Variants in ZNF846 observed in about 807,000 individuals in gnomAD.
ZNF846 encodes the protein zinc finger protein 420 pseudogene.
In ZNF846, 15 loss-of-function variants were observed where a neutral mutation model predicts 16.0. The observed-to-expected ratio is 0.94, with a 90% CI of 0.63 to 1.45. The LOEUF (loss-of-function observed/expected upper bound fraction) is 1.45. Among genes scored for constraint, ZNF846 ranks in the 40% most tolerant of loss-of-function variants. ZNF846 has a pLI of 0.00. For missense variants in ZNF846, 714 were observed against 622.3 expected (o/e 1.15, Z -1.57); for synonymous variants, 229 against 212.0 (o/e 1.08, Z -0.70).
At chr19:9,766,152 G>A (rs1478392137) in intron 1 of ZNF846, among the ~76,000 whole-genome samples, 1 of 152,138 alleles carries the variant, frequency 6.6e-6, no homozygotes, top group East Asian at 1.9e-4. Context: ...GGGCATGGTG[G>A]CTCACGCCTG....
At chr19:9,772,891 C>T (rs559137395), upstream of ZNF846, among the ~76,000 whole-genome samples, 11 of 152,090 alleles carry the variant, frequency 7.2e-5, no homozygotes, top group African/African-American at 2.2e-4. Context: ...GCCTGGGCAA[C>T]ATGTTGAAAC....
upstream of ZNF846, among the ~76,000 whole-genome samples, chr19:9,771,826 T>C (rs755492993): frequency 1.8e-4 from 27 of 152,072 alleles, no homozygotes; most frequent in Non-Finnish European, 3.4e-4. Flanking sequence ...TGGAGTGCAG[T>C]GGCCTATCTT....
chr19:9,774,623 A>G, intron 1 of ZNF846: 9 of 1,464,720 alleles, frequency 6.1e-6, no homozygotes, highest in Non-Finnish European at 6.7e-6. Flanking sequence ...TGTTCCTGAC[A>G]ACTCTCCATA....
chr19:9,760,797 T>C (rs1407350739), intron 4 of ZNF846, among the ~76,000 whole-genome samples: 1 of 151,548 alleles, frequency 6.6e-6, no homozygotes, highest in East Asian at 1.9e-4. Context: ...ATATAAGATA[T>C]ACAGAAAGGG....
chr19:9,777,143 ACACACG>A (rs1302893123), intron 1 of ZNF846, among the ~76,000 whole-genome samples: 1 of 146,582 alleles, frequency 6.8e-6, no homozygotes, highest in African/African-American at 2.7e-5. Context: ...GAAAACACAC[ACACACG>A]CACACACACA....
intron 1 of ZNF846, among the ~76,000 whole-genome samples, chr19:9,767,137 T>TATTC (rs1346331468): frequency 6.6e-6 from 1 of 151,720 alleles, no homozygotes; most frequent in Non-Finnish European, 1.5e-5. Context: ...TAGTTTTATT[T>TATTC]ATTTATTTAT....
At chr19:9,784,048 T>C (rs1473367859) in intron 1 of ZNF846, among the ~76,000 whole-genome samples, 1 of 151,930 alleles carries the variant, frequency 6.6e-6, no homozygotes, top group Non-Finnish European at 1.5e-5. Context: ...TCCAGGCCCA[T>C]GTAGATTTTT....
intron 1 of ZNF846, among the ~76,000 whole-genome samples, chr19:9,784,671 C>T (rs1228779671): frequency 6.6e-6 from 1 of 152,162 alleles, no homozygotes; most frequent in Non-Finnish European, 1.5e-5. Context: ...AAGGCCATAT[C>T]TCAGGCTGTC....
At chr19:9,756,693 G>A (rs1436758081), downstream of ZNF846, 2 of 145,674 alleles carry the variant, frequency 1.4e-5, no homozygotes, top group East Asian at 3.9e-4. Context: ...AGATCTTGTA[G>A]CCTTTACATT....
At chr19:9,764,973 C>A (rs186010178) in exon 2 of ZNF846, 24 of 1,613,944 alleles carry the variant, frequency 1.5e-5, no homozygotes, top group Non-Finnish European at 2.0e-5. Flanking sequence ...AGTAACCCAG[C>A]CACTAGCCTT....
intron 1 of ZNF846, among the ~76,000 whole-genome samples, chr19:9,775,690 G>A (rs369508945): frequency 1.3e-5 from 2 of 152,134 alleles, no homozygotes; most frequent in African/African-American, 4.8e-5. Flanking sequence ...GGTGATTAAC[G>A]TAAAATATGT....
At position 9,782,047 on chromosome 19, in the gene ZNF846, G is replaced by A. The variant is rs143390171; in HGVS notation, c.-86+3891C>T. 4.0e-3 allele frequency among the ~76,000 whole-genome samples: 607 copies of A among 151,854 alleles called. 3 individuals are homozygous for A. Among genetic ancestry groups the A allele is most frequent in the Non-Finnish European group, 6.8e-3 (465 of 67,920 alleles). Reference sequence around the variant, plus strand: ...CCACCTCAGCCTCCCAAAGTGCTGGGATTACATGTGTGAGCCACCGCACCC... The same window carrying A: ...CCACCTCAGCCTCCCAAAGTGCTGGAATTACATGTGTGAGCCACCGCACCC... On this transcript the variant is annotated intron_variant, in intron 1 of 4. Coordinates refer to the ZNF846 transcript ENST00000586814.
chr19:9,754,589 C>CAAAAAAAAAAAAAAAAAAAAAAAAAAAA (rs1203086590), downstream of ZNF846, among the ~76,000 whole-genome samples: 12 of 104,020 alleles, frequency 1.2e-4, no homozygotes, highest in African/African-American at 3.6e-4. Context: ...AAAAAAAAAG[C>CAAAAAAAAAAAAAAAAAAAAAAAAAAAA]AAAGGGCAAC....
chr19:9,766,816 C>A (rs1414538276), intron 1 of ZNF846, among the ~76,000 whole-genome samples: 1 of 150,480 alleles, frequency 6.6e-6, no homozygotes, highest in Non-Finnish European at 1.5e-5. Flanking sequence ...AGGAGAAGCA[C>A]TTGAACCCGG....
At chr19:9,762,320 A>G in intron 3 of ZNF846, 152 bp from the exon 4 acceptor site, 1 of 618,386 alleles carries the variant, frequency 1.6e-6, no homozygotes, top group Non-Finnish European at 2.9e-6. Context: ...TTTCCAATAC[A>G]TGCACTAAAA....
downstream of ZNF846, among the ~76,000 whole-genome samples, chr19:9,755,260 T>C (rs2045121945): frequency 6.6e-6 from 1 of 151,520 alleles, no homozygotes; most frequent in South Asian, 2.1e-4. Context: ...AAAATTCTAC[T>C]AGGGGGAATT....
At chr19:9,757,980 T>C (rs2045159438) in exon 6 of ZNF846, 3 of 1,613,690 alleles carry the variant, frequency 1.9e-6, no homozygotes, top group Non-Finnish European at 2.5e-6. Context: ...CTTACATAAA[T>C]ACAGCTTCTC....
rs1027974620 is a variant in ZNF846, at chr19:9,763,301, G to A, written c.123C>T (p.Tyr41=). 2.7e-5 allele frequency: 44 copies of A among 1,600,718 alleles called. No individual in the cohort carries two copies. The Admixed American group carries it at 6.0e-4, about 22-fold the overall frequency. ...TTTTACCTAGTATAATGAGATTCTT[G>A]TAGTTCTCCAACATCACATCTCTGT... The change falls in exon 3 of 6, where the codon TAC becomes TAT. Residue 41 remains tyrosine (Y), a synonymous_variant. Coordinates refer to ENST00000397902, the Ensembl canonical transcript of ZNF846.
chr19:9,762,970 CCT>C (rs2045252982), intron 3 of ZNF846, among the ~76,000 whole-genome samples: 1 of 152,056 alleles, frequency 6.6e-6, no homozygotes, highest in South Asian at 2.1e-4. Flanking sequence ...ATGGTGAAAC[CCT>C]GTCTCCACTA....
Sources: allele counts gnomAD v4.1 joint callset (sites outside exome capture counted in the v4.1 genomes callset), GRCh38; gene constraint gnomAD v4.1.1; transcripts MANE v1.5; gene names NCBI Gene and HGNC (gene_info 2026-07-23, HGNC 2026-07-21).